Variants in OPHN1 observed in about 807,000 individuals in gnomAD.
OPHN1 encodes the protein oligophrenin 1.
In OPHN1, 11 loss-of-function variants were observed where a neutral mutation model predicts 60.7. The observed-to-expected ratio is 0.18, with a 90% CI of 0.11 to 0.30. OPHN1 has a LOEUF of 0.30. OPHN1 is among the 10% of genes least tolerant of loss of function. The pLI, the probability that OPHN1 is intolerant of heterozygous loss-of-function variation, is 1.00. For synonymous variants in OPHN1, 226 were observed against 222.6 expected (o/e 1.02, Z -0.14); for missense variants, 449 against 611.0 (o/e 0.73, Z 2.80).
chrX:68,304,967 A>T, intron 2 of OPHN1, among the ~76,000 whole-genome samples: 1 of 112,120 alleles, frequency 8.9e-6, no homozygotes, highest in East Asian at 2.8e-4. Context: ...GAATTTGTCA[A>T]AAACAATCAT....
chrX:68,227,765 G>A (rs1170868116), intron 6 of OPHN1, among the ~76,000 whole-genome samples: 1 of 110,955 alleles, frequency 9.0e-6, no homozygotes, highest in Non-Finnish European at 1.9e-5. Context: ...AGTGTGTAGA[G>A]GGAAATTTAT....
chrX:68,212,298 A>C lies in OPHN1; in HGVS notation c.598-86T>G, dbSNP rs2077588119. 1.0e-5 allele frequency: 7 copies of C among 669,317 alleles called. No homozygotes were observed. In the Admixed American group the frequency reaches 1.9e-4, roughly 18 times the overall value. The allele number at this position is 669,317 out of a possible 1,213,427, so 55.2% of individuals were successfully genotyped here. A position where few individuals can be genotyped will look rare whatever the true frequency, so the allele number is the denominator to read the frequency against. On this transcript the variant is annotated intron_variant, in intron 7 of 24. Coordinates refer to ENST00000355520, the MANE Select transcript of OPHN1 (RefSeq NM_002547.3). ...AAACATGAACTCACCAAAAAACTCCATGGTGTGGCTGGGTGTGGTGGCTTA... is the reference window on the plus strand; with the variant it reads ...AAACATGAACTCACCAAAAAACTCCCTGGTGTGGCTGGGTGTGGTGGCTTA...
Position 68,301,904 on chromosome X carries a change from G to A in OPHN1, c.155-2808C>T, listed in dbSNP as rs1273600931. 3.6e-5 allele frequency among the ~76,000 whole-genome samples: 4 copies of A among 112,346 alleles called. No individual in the cohort carries two copies. The East Asian group carries it at 1.1e-3, about 31-fold the overall frequency. ...ACTTTAAGGGAATGAGACAGAATAT[G>A]AACAAGATTGATTAATTAGTGTAGA... On this transcript the variant is annotated intron_variant, in intron 2 of 24. Coordinates refer to ENST00000355520, the MANE Select transcript of OPHN1 (RefSeq NM_002547.3).
rs1010132636 is a variant in OPHN1, at chrX:68,430,557, T to C, written c.154+2310A>G. ...AAGGAAAGAGGCCAGGCGTGGTGGC[T>C]CATCCCTGCAATCCCAGCACTTTGA... On this transcript the variant is annotated intron_variant, in intron 2 of 24. Transcript: ENST00000355520. 3.6e-4 allele frequency among the ~76,000 whole-genome samples: 40 copies of C among 111,624 alleles called. 1 individual carries two copies. Among genetic ancestry groups the C allele is most frequent in the African/African-American group, 1.3e-3 (39 of 30,733 alleles).
chrX:68,301,360 C>T (rs1339338070), intron 2 of OPHN1, among the ~76,000 whole-genome samples: 1 of 103,157 alleles, frequency 9.7e-6, no homozygotes, highest in Non-Finnish European at 2.0e-5. Flanking sequence ...ACAGGAGAAT[C>T]ACTTGAACCT....
intron 2 of OPHN1, among the ~76,000 whole-genome samples, chrX:68,323,310 T>C (rs973205569): frequency 1.8e-5 from 2 of 111,767 alleles, no homozygotes; most frequent in African/African-American, 6.5e-5. Flanking sequence ...TTCTCTTTCT[T>C]GAACCTACCA....
intron 2 of OPHN1, among the ~76,000 whole-genome samples, chrX:68,374,047 G>A (rs945487681): frequency 1.1e-4 from 12 of 111,607 alleles, no homozygotes; most frequent in Non-Finnish European, 2.1e-4. Flanking sequence ...AGGGTTAGGT[G>A]AAATATTCTC....
At chrX:68,187,890 G>T (rs908071785) in intron 15 of OPHN1, among the ~76,000 whole-genome samples, 1 of 112,214 alleles carries the variant, frequency 8.9e-6, no homozygotes, top group African/African-American at 3.2e-5. Context: ...GCCTCCCAAA[G>T]TGCGGGGATT....
At chrX:68,179,032 TC>T (rs1394484414) in intron 15 of OPHN1, among the ~76,000 whole-genome samples, 1 of 112,247 alleles carries the variant, frequency 8.9e-6, no homozygotes, top group Non-Finnish European at 1.9e-5. Context: ...TCTCTCTAGT[TC>T]CCTTTTAGCA....
intron 15 of OPHN1, among the ~76,000 whole-genome samples, chrX:68,127,995 T>C (rs994131125): frequency 9.0e-6 from 1 of 110,787 alleles, no homozygotes; most frequent in African/African-American, 3.3e-5. Context: ...GATAGAATAA[T>C]CATTATTTAC....
intron 6 of OPHN1, among the ~76,000 whole-genome samples, chrX:68,225,085 G>A (rs2077683637): frequency 8.9e-6 from 1 of 112,263 alleles, no homozygotes; most frequent in Admixed American, 9.4e-5. Flanking sequence ...TACCATGCAT[G>A]GTGCAGAGGG....
chrX:68,408,526 A>C (rs1023062462), intron 2 of OPHN1, among the ~76,000 whole-genome samples: 12 of 112,518 alleles, frequency 1.1e-4, no homozygotes, highest in African/African-American at 3.5e-4. Flanking sequence ...GTTTTTGGAA[A>C]GGCAAGCCTC....
chrX:68,058,116 T>C (rs1367457134), intron 21 of OPHN1, among the ~76,000 whole-genome samples: 1 of 111,580 alleles, frequency 9.0e-6, no homozygotes, highest in African/African-American at 3.3e-5. Context: ...TTATAGGCTG[T>C]TTTTGAAGTA....
chrX:68,079,486 AT>A (rs2076966460), intron 19 of OPHN1, among the ~76,000 whole-genome samples: 1 of 111,481 alleles, frequency 9.0e-6, no homozygotes. Context: ...TAACCAATCC[AT>A]TTCTAAAAAT....
intron 15 of OPHN1, among the ~76,000 whole-genome samples, chrX:68,137,193 T>C (rs918486537): frequency 9.0e-6 from 1 of 111,638 alleles, no homozygotes; most frequent in Non-Finnish European, 1.9e-5. Flanking sequence ...AACACATATA[T>C]AAAGAGCAAT....
At chrX:68,081,747 A>T (rs1208289146) in intron 19 of OPHN1, among the ~76,000 whole-genome samples, 1 of 111,540 alleles carries the variant, frequency 9.0e-6, no homozygotes, top group Admixed American at 9.5e-5. Context: ...ATGACTGCTG[A>T]TTGATCAGGA....
At chrX:68,236,790 T>C in intron 5 of OPHN1, among the ~76,000 whole-genome samples, 1 of 112,380 alleles carries the variant, frequency 8.9e-6, no homozygotes, top group South Asian at 3.7e-4. Context: ...CTTTATTCTT[T>C]TGCAAGTAAA....
At chrX:68,084,360 C>A (rs1197850163) in intron 19 of OPHN1, among the ~76,000 whole-genome samples, 1 of 48,730 alleles carries the variant, frequency 2.1e-5, no homozygotes, top group African/African-American at 9.0e-5. Context: ...GAGGGAGGAA[C>A]GGGGGGAGAG....
At chrX:68,320,019 A>G (rs1487547506) in intron 2 of OPHN1, among the ~76,000 whole-genome samples, 2 of 111,401 alleles carry the variant, frequency 1.8e-5, no homozygotes, top group Non-Finnish European at 3.8e-5. Context: ...CATAAGAAAC[A>G]ATAGTCAACA....
Sources: gnomAD v4.1 joint callset for allele counts (sites outside exome capture counted in the v4.1 genomes callset) on GRCh38, gnomAD v4.1.1 for gene constraint, MANE v1.5 for transcripts, NCBI Gene and HGNC (gene_info 2026-07-23, HGNC 2026-07-21) for gene names.